The following CCDC33 variants were observed in gnomAD, a reference collection of about 807,000 sequenced individuals.
The protein encoded by CCDC33 is coiled-coil domain-containing protein 33.
CCDC33 carries 94 observed loss-of-function variants against 91.9 expected under a neutral mutation model. The observed-to-expected ratio is 1.02, with a 90% CI of 0.87 to 1.21. The LOEUF is 1.21. CCDC33 is among the 50% of genes most tolerant of loss of function. The pLI, the probability that CCDC33 is intolerant of heterozygous loss-of-function variation, is 0.00. For synonymous variants in CCDC33, 396 were observed against 374.5 expected, an observed-to-expected ratio of 1.06 and a Z score of -0.66; for missense variants, 940 against 935.5, an observed-to-expected ratio of 1.00 and a Z score of -0.06.
At chr15:74,215,683 G>A (rs2074422714), upstream of CCDC33, among the ~76,000 whole-genome samples, 1 of 152,062 alleles carries the variant, frequency 6.6e-6, no homozygotes, top group South Asian at 2.1e-4. Context: ...AAGGCCAACA[G>A]AGCCACCTCA....
intron 2 of CCDC33, chr15:74,221,126 A>G (rs1448957482): frequency 1.2e-6 from 1 of 828,236 alleles, no homozygotes; most frequent in Non-Finnish European, 1.5e-6. Flanking sequence ...CCTGACTGTG[A>G]TCAGGCATTT....
intron 11 of CCDC33, chr15:74,299,686 C>T (rs998289524): frequency 2.0e-5 from 3 of 152,292 alleles, no homozygotes; most frequent in Non-Finnish European, 4.4e-5. Context: ...ACCATCGGGT[C>T]CCCCAGAGAC....
intron 11 of CCDC33, among the ~76,000 whole-genome samples, chr15:74,328,727 C>T (rs2060362402): frequency 6.6e-6 from 1 of 152,200 alleles, no homozygotes; most frequent in African/African-American, 2.4e-5. Flanking sequence ...CCCCTGCTCT[C>T]GAAGCCATGG....
At chr15:74,253,633 G>A (rs571746852) in intron 2 of CCDC33, among the ~76,000 whole-genome samples, 3 of 152,310 alleles carry the variant, frequency 2.0e-5, no homozygotes, top group South Asian at 4.1e-4. Flanking sequence ...CTTAGGGGAT[G>A]TGCCACACAG....
intron 2 of CCDC33, among the ~76,000 whole-genome samples, chr15:74,250,378 C>T (rs1240663840): frequency 6.6e-6 from 1 of 152,170 alleles, no homozygotes; most frequent in Non-Finnish European, 1.5e-5. Flanking sequence ...CCTCCACCTC[C>T]CTCTCTTTGC....
upstream of CCDC33, among the ~76,000 whole-genome samples, chr15:74,233,813 A>G (rs1422910964): frequency 6.6e-6 from 1 of 152,196 alleles, no homozygotes; most frequent in Non-Finnish European, 1.5e-5. Context: ...AAGGGTTAAC[A>G]TTTTGCCCAA....
intron 1 of CCDC33, among the ~76,000 whole-genome samples, chr15:74,241,389 C>A (rs890490136): frequency 1.3e-5 from 2 of 152,196 alleles, no homozygotes; most frequent in Admixed American, 6.5e-5. Context: ...TGGAGTGACA[C>A]CCAGGGTGGA....
chr15:74,296,093 C>T (rs79696561), intron 11 of CCDC33, 145 bp downstream of exon 11: 8,135 of 660,978 alleles, frequency 0.012, 75 homozygotes, highest in Non-Finnish European at 0.017. Context: ...TGTGAGTTAC[C>T]CCAAAGTCAA....
chr15:74,207,142 G>T (rs530647320), intron 1 of CCDC33, among the ~76,000 whole-genome samples: 1 of 152,172 alleles, frequency 6.6e-6, no homozygotes, highest in African/African-American at 2.4e-5. Context: ...GCATCCAGGA[G>T]CAGAGGCCCA....
In CCDC33 at chr15:74,291,287, A is replaced by G. The variant is rs182040969; in HGVS notation, c.1096-4467A>G. Among the ~76,000 whole-genome samples, 636 of 152,392 alleles carry G rather than the reference A, an allele frequency of 4.2e-3. 3 individuals are homozygous for G. Among genetic ancestry groups the G allele is most frequent in the African/African-American group, 0.015 (616 of 41,590 alleles). The stretch of plus-strand genomic sequence containing the variant: ...GAGATAAGAACCTACAACTGCAGCC[A>G]CAGGAAATGACAAAGCAGTGACTGA... On this transcript the variant is annotated intron_variant, in intron 10 of 18. Coordinates refer to ENST00000398814, the MANE Select transcript of CCDC33 (RefSeq NM_025055.5).
intron 10 of CCDC33, among the ~76,000 whole-genome samples, chr15:74,289,884 A>G (rs1047368359): frequency 2.6e-5 from 4 of 152,238 alleles, no homozygotes; most frequent in Admixed American, 2.0e-4. Context: ...GTATTAAGTC[A>G]GAATGCAGAG....
intron 11 of CCDC33, among the ~76,000 whole-genome samples, chr15:74,304,744 A>G (rs1027392305): frequency 6.6e-6 from 1 of 151,946 alleles, no homozygotes; most frequent in African/African-American, 2.4e-5. Context: ...CAAAGCTATG[A>G]GCCAGTCCGG....
At chr15:74,332,263 G>A (rs371081824) in intron 15 of CCDC33, among the ~76,000 whole-genome samples, 3 of 152,154 alleles carry the variant, frequency 2.0e-5, no homozygotes, top group East Asian at 3.9e-4. Context: ...GGGCAGGAGG[G>A]TGTTTCTAGG....
upstream of CCDC33, among the ~76,000 whole-genome samples, chr15:74,215,655 G>A (rs573074037): frequency 1.1e-4 from 17 of 152,134 alleles, no homozygotes; most frequent in Non-Finnish European, 1.8e-4. Context: ...AGGTGGTGGA[G>A]GATCCTAAAA....
chr15:74,311,629 TAGGGGATTTGG>T (rs1320452941), intron 11 of CCDC33: 1 of 151,912 alleles, frequency 6.6e-6, no homozygotes, highest in Non-Finnish European at 1.5e-5. Context: ...AAGCTGGTGT[TAGGGGATTTGG>T]GAAAGGGTTT....
In CCDC33 at chr15:74,244,334, G is replaced by A. The variant is rs1381030239; in HGVS notation, c.185+186G>A. ...GCATGGGAAGCTGCTCACCAGGGCTGGGGAAGACAGGGTGCCAACGGATCC... is the reference window on the plus strand; with the variant it reads ...GCATGGGAAGCTGCTCACCAGGGCTAGGGAAGACAGGGTGCCAACGGATCC... On this transcript the variant is annotated intron_variant, in intron 2 of 18. Transcript: ENST00000398814. The surrounding 1 kb of genome is among the most constrained non-coding windows in gnomAD (Gnocchi z 4.2). Among the ~76,000 whole-genome samples the A allele has an allele frequency of 6.6e-6, 1 of 152,176 alleles. No individual in the cohort carries two copies. Among genetic ancestry groups the A allele is most frequent in the African/African-American group, 2.4e-5 (1 of 41,448 alleles).
chr15:74,318,247 G>C (rs1350525659), intron 11 of CCDC33, among the ~76,000 whole-genome samples: 1 of 152,080 alleles, frequency 6.6e-6, no homozygotes, highest in Admixed American at 6.6e-5. Flanking sequence ...GTGGAGAAGA[G>C]CGGAGGGAGT....
intron 11 of CCDC33, among the ~76,000 whole-genome samples, chr15:74,321,986 T>C (rs1159555323): frequency 6.6e-6 from 1 of 151,886 alleles, no homozygotes; most frequent in Non-Finnish European, 1.5e-5. Flanking sequence ...TAGGGAAGGC[T>C]TTGAAGATAG....
chr15:74,274,773 A>G (rs1190517807), intron 7 of CCDC33, among the ~76,000 whole-genome samples: 1 of 152,206 alleles, frequency 6.6e-6, no homozygotes, highest in Non-Finnish European at 1.5e-5. Flanking sequence ...CTGCCTAACT[A>G]GTCTGGGTAG....
Sources: allele counts gnomAD v4.1 joint callset (sites outside exome capture counted in the v4.1 genomes callset), GRCh38; gene constraint gnomAD v4.1.1; non-coding constraint Gnocchi (gnomAD v3.1); transcripts MANE v1.5; gene names NCBI Gene and HGNC (gene_info 2026-07-23, HGNC 2026-07-21).